GLS: variants seen among roughly 807,000 people sequenced by gnomAD.
GLS encodes glutaminase, also known as glutaminase kidney isoform, mitochondrial.
In GLS, 36 loss-of-function variants were observed where a neutral mutation model predicts 86.7. That is an observed-to-expected ratio of 0.42 (90% CI 0.32 to 0.55). The LOEUF (loss-of-function observed/expected upper bound fraction) is 0.55, where lower values mean the gene tolerates loss of function less well. Among genes scored for constraint, GLS ranks in the 20% least tolerant of loss-of-function variants. The probability of loss-of-function intolerance (pLI) is 0.17; values close to 1 mark genes in which losing one functional copy is unlikely to be tolerated. For synonymous variants in GLS, 317 were observed against 305.9 expected, an observed-to-expected ratio of 1.04 and a Z score of -0.38; for missense variants, 528 against 833.4, an observed-to-expected ratio of 0.63 and a Z score of 4.51.
At position 190,956,765 on chromosome 2, in the gene GLS, C is replaced by T. The variant is rs1690870367; in HGVS notation, c.1853+1947C>T. On this transcript the variant is annotated intron_variant, in intron 17 of 17. Transcript: ENST00000320717. This position sits in a 1 kb window ranked among gnomAD's most constrained non-coding sequence, Gnocchi z 4.2. ...GAATGTTTTTCCATTTGTTTGTGTC[C>T]TCTCTTTATTTCCTTCAGCAGTGGT... Among the ~76,000 whole-genome samples the T allele has an allele frequency of 6.6e-6, 1 of 151,980 alleles. No homozygotes were observed. The highest frequency in any genetic ancestry group is 6.6e-5 in the Admixed American group (1 of 15,256).
chr2:190,900,788 G>A (rs1688914020), intron 4 of GLS, 95 bp downstream of exon 4: 2 of 916,068 alleles, frequency 2.2e-6, no homozygotes, highest in African/African-American at 1.7e-5. Context: ...GTTGTGTTTT[G>A]CTAAAGAAAA....
In GLS at chr2:190,930,137, G is replaced by C. The variant is rs1381043100; in HGVS notation, c.1426-300G>C. On this transcript the variant is annotated intron_variant, in intron 12 of 17. Coordinates refer to ENST00000320717, the MANE Select transcript of GLS (RefSeq NM_014905.5). The surrounding 1 kb of genome is among the most constrained non-coding windows in gnomAD (Gnocchi z 5.0). ...GCTGGAGTGCAGTGGTGCGATCATG[G>C]CTCACTGTAGCCTTGACCTCCTGAG... Among the ~76,000 whole-genome samples, 2 of 151,848 alleles carry C rather than the reference G, an allele frequency of 1.3e-5. No homozygotes were observed. The highest frequency in any genetic ancestry group is 2.9e-5 in the Non-Finnish European group (2 of 67,968).
At chr2:190,909,215 A>AT (rs71030313) in intron 6 of GLS, among the ~76,000 whole-genome samples, 69,053 of 151,944 alleles carry the variant, frequency 0.45, 18,912 homozygotes, top group Non-Finnish European at 0.62. Flanking sequence ...TAATTGACAG[A>AT]TAAAAATTGT....
chr2:190,883,304 T>C (rs1224530292), intron 1 of GLS, among the ~76,000 whole-genome samples: 1 of 152,220 alleles, frequency 6.6e-6, no homozygotes, highest in African/African-American at 2.4e-5. Context: ...GCTCCTTTCA[T>C]TTTGCCTTTA....
chr2:190,880,923 C>G lies in GLS; in HGVS notation c.-162C>G, dbSNP rs1371146895. 2.5e-6 allele frequency: 2 copies of G among 802,528 alleles called. No homozygotes were observed. The highest frequency in any genetic ancestry group is 4.0e-6 in the Non-Finnish European group (2 of 501,840). 49.7% of individuals were successfully genotyped at this position (802,528 alleles called of 1,614,324 possible). A position where few individuals can be genotyped will look rare whatever the true frequency, so the allele number is the denominator to read the frequency against. On this transcript the variant is annotated 5_prime_UTR_variant, in exon 1 of 18. Coordinates refer to ENST00000320717, the MANE Select transcript of GLS (RefSeq NM_014905.5). ...CAGCAGCAGCAGCAGCAGCAGCACC[C>G]GCATCCGCTGCGGGAGTCCGAGCCG...
chr2:190,926,244 A>G (rs1246947686), intron 11 of GLS, among the ~76,000 whole-genome samples: 1 of 152,240 alleles, frequency 6.6e-6, no homozygotes, highest in East Asian at 1.9e-4. Flanking sequence ...ATTGGAATTC[A>G]GAAAGCCTTG....
rs1346622327 is a variant in GLS, at chr2:190,954,973, TTC to T, written c.1853+157_1853+158del. On this transcript the variant is annotated intron_variant, in intron 17 of 17. Coordinates refer to ENST00000320717, the MANE Select transcript of GLS (RefSeq NM_014905.5). This position sits in a 1 kb window ranked among gnomAD's most constrained non-coding sequence, Gnocchi z 4.0. The stretch of plus-strand genomic sequence containing the variant: ...AACCTTGTTTCTACTAGATAGGTAA[TTC>T]TGTCTCCCATATCCTGTTTCTTATC... Among the ~76,000 whole-genome samples, 1 of 152,186 alleles carries T rather than the reference TTC, an allele frequency of 6.6e-6. No individual in the cohort carries two copies. Among genetic ancestry groups the T allele is most frequent in the African/African-American group, 2.4e-5 (1 of 41,454 alleles).
At chr2:190,908,554 T>C (rs1689242336) in intron 6 of GLS, among the ~76,000 whole-genome samples, 2 of 152,250 alleles carry the variant, frequency 1.3e-5, no homozygotes, top group African/African-American at 4.8e-5. Context: ...CTTTAAATGA[T>C]AGCCTTTATT....
chr2:190,881,585 A>C, intron 1 of GLS, 115 bp downstream of exon 1: 4 of 1,000,640 alleles, frequency 4.0e-6, no homozygotes, highest in Non-Finnish European at 5.6e-6. Flanking sequence ...AAGAGAAAGA[A>C]AGAGGTGCCG....
intron 1 of GLS, among the ~76,000 whole-genome samples, chr2:190,886,202 G>A (rs540143674): frequency 5.3e-5 from 8 of 152,046 alleles, no homozygotes; most frequent in Non-Finnish European, 8.8e-5. Flanking sequence ...AAGTGAAAAA[G>A]GTACCAATAA....
chr2:190,935,221 TTAA>T lies in GLS; in HGVS notation c.1650+3589_1650+3591del, dbSNP rs1428966064. On this transcript the variant is annotated intron_variant, in intron 14 of 17. Coordinates refer to ENST00000320717, the MANE Select transcript of GLS (RefSeq NM_014905.5). The surrounding 1 kb of genome is among the most constrained non-coding windows in gnomAD (Gnocchi z 4.2). ...TTTAGCTTTCATTTGCTTTGTATAT[TTAA>T]TAATGTACCTTTATTTTCCAGTATG... is the stretch of plus-strand genomic sequence containing the variant. 1.2e-6 allele frequency: 1 copy of T among 827,452 alleles called. No individual in the cohort carries two copies. Among genetic ancestry groups the T allele is most frequent in the Non-Finnish European group, 1.5e-6 (1 of 685,968 alleles). The allele number at this position is 827,452 out of a possible 1,614,324, so 51.3% of individuals were successfully genotyped here.
chr2:190,928,955 T>C (rs952067548), intron 12 of GLS, among the ~76,000 whole-genome samples: 9 of 141,548 alleles, frequency 6.4e-5, no homozygotes, highest in Non-Finnish European at 1.2e-4. Flanking sequence ...AAAAGTACTT[T>C]ATTGGTATAC....
chr2:190,895,370 CTTA>C lies in GLS; in HGVS notation c.483+127_483+129del, dbSNP rs1459744728. 2 of 541,808 alleles carry C rather than the reference CTTA, an allele frequency of 3.7e-6. No individual in the cohort carries two copies. Among genetic ancestry groups the C allele is most frequent in the Non-Finnish European group, 6.5e-6 (2 of 306,966 alleles). 33.6% of individuals were successfully genotyped at this position (541,808 alleles called of 1,614,324 possible). On this transcript the variant is annotated intron_variant, in intron 2 of 17. Coordinates refer to ENST00000320717, the MANE Select transcript of GLS (RefSeq NM_014905.5). This position sits in a 1 kb window ranked among gnomAD's most constrained non-coding sequence, Gnocchi z 4.2. ...GTAGATTCTGACTGACAATATTTCT[CTTA>C]TTATGTTTTCAAATTTTTGTCATGC... is the stretch of plus-strand genomic sequence containing the variant.
rs1396024190 is a variant in GLS at position 190,880,902 on chromosome 2, A to ACCC, written c.-183_-182insCCC. On this transcript the variant is annotated 5_prime_UTR_variant, in exon 1 of 18. Coordinates refer to ENST00000320717, the MANE Select transcript of GLS (RefSeq NM_014905.5). ...CAGCAGCAGCAGCAGCAGCAGCAGCAGCAGCAGCAGCAGCAGCACCCGCAT... is the reference window on the plus strand; with the variant it reads ...CAGCAGCAGCAGCAGCAGCAGCAGCACCCGCAGCAGCAGCAGCAGCACCCGCAT... 7.7e-6 allele frequency: 7 copies of ACCC among 904,112 alleles called. 1 individual carries two copies. The highest frequency in any genetic ancestry group is 1.2e-5 in the Non-Finnish European group (7 of 588,380). 56.0% of individuals were successfully genotyped at this position (904,112 alleles called of 1,614,324 possible). A position where few individuals can be genotyped will look rare whatever the true frequency, so the allele number is the denominator to read the frequency against.
chr2:190,929,474 A>AT (rs34321717), intron 12 of GLS, among the ~76,000 whole-genome samples: 68 of 145,392 alleles, frequency 4.7e-4, no homozygotes, highest in South Asian at 8.6e-4. Context: ...CTGTTTCATA[A>AT]TTTTTTTTTT....
rs564273574 is a variant in GLS, at chr2:190,884,648, G to A, written c.386+3178G>A. On this transcript the variant is annotated intron_variant, in intron 1 of 17. Transcript: ENST00000320717. Reference sequence around the variant, plus strand: ...AGAGTCAGAGGGATAGAGGTAAGGGGCATTATTAAGTTTTTTTATTTGGAC... The same window carrying A: ...AGAGTCAGAGGGATAGAGGTAAGGGACATTATTAAGTTTTTTTATTTGGAC... Among the ~76,000 whole-genome samples, 4 of 152,234 alleles carry A rather than the reference G, an allele frequency of 2.6e-5. No individual in the cohort carries two copies. In the East Asian group the frequency reaches 7.7e-4, roughly 29 times the overall value.
At chr2:190,933,674 AT>A in intron 14 of GLS, 1 of 961,334 alleles carries the variant, frequency 1.0e-6, no homozygotes, top group Non-Finnish European at 1.2e-6. Flanking sequence ...CACCTAAACA[AT>A]TTTATTTTCA....
rs143898139 is a variant in GLS at position 190,892,372 on chromosome 2, A to G, written c.387-2780A>G. On this transcript the variant is annotated intron_variant, in intron 1 of 17. Transcript: ENST00000320717. ...TATCCTATTTGAATTGCTGAATATC[A>G]TAACCATTTTATGTTTTTCTCTTCA... 1.7e-3 allele frequency among the ~76,000 whole-genome samples: 253 copies of G among 152,270 alleles called. 3 individuals carry two copies. The highest frequency in any genetic ancestry group is 0.014 in the South Asian group (68 of 4,830).
At chr2:190,899,131 A>G (rs752317527) in intron 3 of GLS, among the ~76,000 whole-genome samples, 6 of 152,218 alleles carry the variant, frequency 3.9e-5, no homozygotes, top group Non-Finnish European at 7.4e-5. Flanking sequence ...TCTTTGATGT[A>G]CATCTCTTGC....
Sources: allele counts gnomAD v4.1 joint callset (sites outside exome capture counted in the v4.1 genomes callset), GRCh38; gene constraint gnomAD v4.1.1; non-coding constraint Gnocchi (gnomAD v3.1); transcripts MANE v1.5; gene names NCBI Gene and HGNC (gene_info 2026-07-23, HGNC 2026-07-21).